Variants in STK3 observed in about 807,000 individuals in gnomAD.
STK3 encodes serine/threonine-protein kinase 3.
A neutral mutation model predicts 58.0 loss-of-function variants in STK3; 41 were observed. The ratio of observed to expected loss-of-function variants is 0.71; its 90% CI spans 0.55 to 0.92. The LOEUF (loss-of-function observed/expected upper bound fraction) is 0.92. Among genes scored for constraint, STK3 ranks in the 40% least tolerant of loss-of-function variants. STK3 has a pLI of 0.00. For synonymous variants in STK3, 170 were observed against 191.0 expected (o/e 0.89, Z 0.91); for missense variants, 479 against 602.7 (o/e 0.79, Z 2.15).
At chr8:98,871,930 A>G (rs572270725) in intron 3 of STK3, among the ~76,000 whole-genome samples, 20 of 152,308 alleles carry the variant, frequency 1.3e-4, no homozygotes, top group Non-Finnish European at 1.9e-4. Context: ...CAGTTTTCAA[A>G]TGGAATGCCT....
At chr8:98,433,108 G>A (rs1818365796) in intron 3 of STK3, among the ~76,000 whole-genome samples, 1 of 152,150 alleles carries the variant, frequency 6.6e-6, no homozygotes, top group Non-Finnish European at 1.5e-5. Flanking sequence ...TTTGGGGAAG[G>A]AGAAGCTGTT....
At chr8:98,818,987 A>AT (rs1834726276) in intron 1 of STK3, among the ~76,000 whole-genome samples, 1 of 152,130 alleles carries the variant, frequency 6.6e-6, no homozygotes, top group Admixed American at 6.5e-5. Context: ...TGCCCGGCTA[A>AT]TTTTTTGTAT....
chr8:98,569,715 C>A lies in STK3; in HGVS notation c.948+9949G>T, dbSNP rs937736659. Among the ~76,000 whole-genome samples the A allele has an allele frequency of 8.6e-5, 13 of 151,964 alleles. No individual in the cohort carries two copies. In the East Asian group the frequency reaches 9.7e-4, roughly 11 times the overall value. Reference sequence around the variant, plus strand: ...GTGAACAGTATTTACACAGTTATAACTATATAAGAATTTGTTTTAATTGTG... The same window carrying A: ...GTGAACAGTATTTACACAGTTATAAATATATAAGAATTTGTTTTAATTGTG... On this transcript the variant is annotated intron_variant, in intron 8 of 10. Coordinates refer to ENST00000419617, the MANE Select transcript of STK3 (RefSeq NM_006281.4).
intron 3 of STK3, chr8:98,427,202 G>A (rs1186664238): frequency 6.7e-6 from 1 of 149,530 alleles, no homozygotes; most frequent in Non-Finnish European, 1.5e-5. Flanking sequence ...CCCGCCCGCC[G>A]GCCCGCCGGG....
chr8:98,545,113 C>G (rs1234643568), intron 9 of STK3, among the ~76,000 whole-genome samples: 1 of 152,186 alleles, frequency 6.6e-6, no homozygotes, highest in Non-Finnish European at 1.5e-5. Context: ...GATTCTTGAC[C>G]TGGTCCTAAT....
chr8:98,648,024 A>C (rs1397199216), intron 6 of STK3, among the ~76,000 whole-genome samples: 2 of 152,140 alleles, frequency 1.3e-5, no homozygotes, highest in Non-Finnish European at 2.9e-5. Context: ...AAAACTACTG[A>C]ATCTTTTTCC....
At chr8:98,830,122 A>G (rs1835470895), upstream of STK3, among the ~76,000 whole-genome samples, 1 of 152,104 alleles carries the variant, frequency 6.6e-6, no homozygotes, top group South Asian at 2.1e-4. Flanking sequence ...CCAGCTACTC[A>G]GGAGGTCAAG....
chr8:98,738,395 T>A (rs1207721097), intron 4 of STK3, among the ~76,000 whole-genome samples: 3 of 151,938 alleles, frequency 2.0e-5, no homozygotes, highest in African/African-American at 4.8e-5. Context: ...ATCACTTGAA[T>A]CTGGGAGGCG....
intron 1 of STK3, among the ~76,000 whole-genome samples, chr8:98,442,442 T>C (rs1477254158): frequency 6.6e-6 from 1 of 152,244 alleles, no homozygotes; most frequent in Non-Finnish European, 1.5e-5. Context: ...TTAGCACCAA[T>C]GGCACTTCCA....
chr8:98,433,648 G>A (rs1818383498), intron 3 of STK3, among the ~76,000 whole-genome samples: 2 of 152,070 alleles, frequency 1.3e-5, no homozygotes, highest in Admixed American at 6.5e-5. Context: ...TATAAAAACA[G>A]AATTTCTGCA....
intron 1 of STK3, chr8:98,782,156 G>A: frequency 4.5e-6 from 1 of 224,532 alleles, no homozygotes; most frequent in Non-Finnish European, 9.1e-6. Context: ...ACTCCTGTCA[G>A]CAGATCCAGA....
In STK3 at chr8:98,435,647, G is replaced by C. The variant is rs78901234; in HGVS notation, n.292-1329C>G. ...ATCAGTGACTGGATGTGGGATGAGG[G>C]AGAGGGAGGGGAGGATGGTTTCTGG... On this transcript the variant is annotated intron_variant and non_coding_transcript_variant, in intron 2 of 3. Coordinates refer to the STK3 transcript ENST00000517832. Among the ~76,000 whole-genome samples, 139 of 152,226 alleles carry C rather than the reference G, an allele frequency of 9.1e-4. 1 individual carries two copies. The East Asian group carries it at 0.025, about 27-fold the overall frequency.
chr8:98,354,922 C>T, the STK3 span, among the ~76,000 whole-genome samples: 3 of 152,140 alleles, frequency 2.0e-5, no homozygotes, highest in Non-Finnish European at 4.4e-5. Context: ...GGATTGCAGT[C>T]GCCTGCAACC....
intron 4 of STK3, among the ~76,000 whole-genome samples, chr8:98,710,679 G>A (rs1826340562): frequency 6.6e-6 from 1 of 152,354 alleles, no homozygotes; most frequent in South Asian, 2.1e-4. Context: ...ACAGCTCAAG[G>A]AGGCTGGCCT....
At chr8:98,624,172 C>G (rs1240397252) in intron 6 of STK3, among the ~76,000 whole-genome samples, 4 of 152,170 alleles carry the variant, frequency 2.6e-5, no homozygotes, top group African/African-American at 7.2e-5. Context: ...CTGTCCATTT[C>G]AGATTAGAAA....
chr8:98,824,606 C>T (rs1039546156), intron 1 of STK3, among the ~76,000 whole-genome samples: 1 of 152,112 alleles, frequency 6.6e-6, no homozygotes, highest in Non-Finnish European at 1.5e-5. Context: ...CCTTCACGAC[C>T]CCCCCTTTTT....
At chr8:98,752,678 G>A (rs949762508) in intron 3 of STK3, among the ~76,000 whole-genome samples, 1 of 149,994 alleles carries the variant, frequency 6.7e-6, no homozygotes, top group Non-Finnish European at 1.5e-5. Context: ...CAAAATGAAA[G>A]AACATTTTTG....
the STK3 span, among the ~76,000 whole-genome samples, chr8:98,354,427 C>T: frequency 2.0e-5 from 3 of 152,160 alleles, no homozygotes; most frequent in Non-Finnish European, 4.4e-5. Flanking sequence ...TGGACTCCTA[C>T]AGCCATCTTA....
chr8:98,558,623 T>C (rs1010319682), intron 8 of STK3, among the ~76,000 whole-genome samples: 3 of 152,084 alleles, frequency 2.0e-5, no homozygotes, highest in Admixed American at 6.6e-5. Flanking sequence ...GTATATATCT[T>C]ATGTTCTTAG....
Sources: gnomAD v4.1 joint callset for allele counts (sites outside exome capture counted in the v4.1 genomes callset) on GRCh38, gnomAD v4.1.1 for gene constraint, MANE v1.5 for transcripts, NCBI Gene and HGNC (gene_info 2026-07-23, HGNC 2026-07-21) for gene names.